The following ADGRG3 variants were observed in gnomAD, a reference collection of about 807,000 sequenced individuals.
ADGRG3 encodes the protein adhesion G protein-coupled receptor G3.
Under a neutral mutation model 54.3 loss-of-function variants are expected in ADGRG3, and 39 were observed. The observed-to-expected ratio is 0.72, with a 90% CI of 0.56 to 0.94. The LOEUF is 0.94. Among genes scored for constraint, ADGRG3 ranks in the 40% least tolerant of loss-of-function variants. ADGRG3 has a pLI of 0.00. For missense variants in ADGRG3, 654 were observed against 694.6 expected (o/e 0.94, Z 0.66); for synonymous variants, 312 against 290.0 (o/e 1.08, Z -0.77).
chr16:57,669,984 G>A (rs4784840), intron 1 of ADGRG3, among the ~76,000 whole-genome samples: 69,597 of 151,966 alleles, frequency 0.46, 16,420 homozygotes, highest in South Asian at 0.59. Context: ...AGGTCTAAAG[G>A]GGCCAGGAGG....
At chr16:57,672,058 T>C (rs2048171373) in intron 1 of ADGRG3, among the ~76,000 whole-genome samples, 1 of 152,074 alleles carries the variant, frequency 6.6e-6, no homozygotes, top group Non-Finnish European at 1.5e-5. Context: ...CATGTGCCTG[T>C]AGTCCCAGCT....
Position 57,689,241 on chromosome 16 carries a change from G to A in ADGRG3, c.*780G>A, listed in dbSNP as rs2048526116. On this transcript the variant is annotated 3_prime_UTR_variant, in exon 12 of 12. Coordinates refer to ENST00000333493, the MANE Select transcript of ADGRG3 (RefSeq NM_170776.5). ...CACTCATTCAGTGTGTGGGGCCCCT[G>A]AGCAGAGGCTGGGCATTGCCACTAG... is the stretch of plus-strand genomic sequence containing the variant. 6.5e-6 allele frequency: 1 copy of A among 154,668 alleles called. No individual in the cohort carries two copies. The highest frequency in any genetic ancestry group is 6.4e-5 in the Admixed American group (1 of 15,666). The allele number at this position is 154,668 out of a possible 1,614,324, so 9.6% of individuals were successfully genotyped here.
Position 57,673,341 on chromosome 16 carries a change from G to A in ADGRG3, c.79G>A (p.Gly27Arg). The change falls in exon 2 of 12, where the codon GGG (glycine) becomes AGG (arginine). Residue 27 changes from glycine (G) to arginine (R), a missense_variant. Physicochemically the swap from Gly to Arg is moderately radical, Grantham distance 125. Transcript: ENST00000333493. ...PTSGQEKPTE[G>R]PRNTCLGSNN... ...CTTAGGTCAGGAAAAGCCCACCGAAGGGCCAAGAAACACCTGCCTGGGGAG... is the reference window on the plus strand; with the variant it reads ...CTTAGGTCAGGAAAAGCCCACCGAAAGGCCAAGAAACACCTGCCTGGGGAG... 2 of 1,613,212 alleles carry A rather than the reference G, an allele frequency of 1.2e-6. No individual in the cohort carries two copies. The highest frequency in any genetic ancestry group is 1.7e-6 in the Non-Finnish European group (2 of 1,179,234).
intron 1 of ADGRG3, among the ~76,000 whole-genome samples, chr16:57,671,783 A>G (rs1350877000): frequency 6.6e-6 from 1 of 151,962 alleles, no homozygotes; most frequent in African/African-American, 2.4e-5. Flanking sequence ...CCAAGAGGGG[A>G]CCGGTTAAAA....
chr16:57,678,167 T>C lies in ADGRG3; in HGVS notation c.346-3T>C, dbSNP rs1405501099. 2 of 1,613,798 alleles carry C rather than the reference T, an allele frequency of 1.2e-6. No homozygotes were observed. The highest frequency in any genetic ancestry group is 1.7e-6 in the Non-Finnish European group (2 of 1,179,936). On this transcript the variant is annotated splice_region_variant and splice_polypyrimidine_tract_variant and intron_variant, in intron 3 of 11. Coordinates refer to ENST00000333493, the MANE Select transcript of ADGRG3 (RefSeq NM_170776.5). The stretch of plus-strand genomic sequence containing the variant: ...ATGGGAGCTGCTGTGTCTGTGGTTG[T>C]AGGTTCCGAGGCAGGTGATGAAGGA...
At chr16:57,678,818 C>A in intron 4 of ADGRG3, 1 of 346,664 alleles carries the variant, frequency 2.9e-6, no homozygotes, top group Non-Finnish European at 5.4e-6. Context: ...CTACCGAATG[C>A]ACACTCACGC....
Position 57,685,707 on chromosome 16 carries a change from A to G in ADGRG3, c.1321A>G (p.Ile441Val), listed in dbSNP as rs1327738613. The change falls in exon 11 of 12, where the codon ATC becomes GTC. Residue 441 changes from isoleucine (I) to valine (V), a missense_variant. By Grantham distance (29) the Ile-to-Val change is conservative. Transcript: ENST00000333493. ...LYITVHGYFL[I>V]TFLFGMVVLA... ...TATCACCGTCCACGGCTACTTCCTC[A>G]TCACCTTCCTCTTTGGCATGGTGGT... 1 of 1,613,996 alleles carries G rather than the reference A, an allele frequency of 6.2e-7. No homozygotes were observed. The highest frequency in any genetic ancestry group is 8.5e-7 in the Non-Finnish European group (1 of 1,179,950).
At position 57,678,508 on chromosome 16, in the gene ADGRG3, C is replaced by A. The variant is rs1244082494; in HGVS notation, c.492+192C>A. ...AGAGTCTATGGTCTTCAGACTCACACTGGTCACACGCTCTCAGATGTTTGA... is the reference window on the plus strand; with the variant it reads ...AGAGTCTATGGTCTTCAGACTCACAATGGTCACACGCTCTCAGATGTTTGA... On this transcript the variant is annotated intron_variant, in intron 4 of 11. Transcript: ENST00000333493. The A allele has an allele frequency of 8.3e-6, 5 of 599,436 alleles. No homozygotes were observed. The African/African-American group carries it at 9.3e-5, about 11-fold the overall frequency. 37.1% of individuals were successfully genotyped at this position (599,436 alleles called of 1,614,324 possible).
rs764450383 is a variant in ADGRG3 at position 57,684,453 on chromosome 16, G to A, written c.1226G>A (p.Arg409His). 1.9e-5 allele frequency: 31 copies of A among 1,613,880 alleles called. No individual in the cohort carries two copies. The highest frequency in any genetic ancestry group is 5.3e-5 in the African/African-American group (4 of 75,020). ...SANSYGLYTIRDRENRTSLEL... is the reference protein window; with the variant it reads ...SANSYGLYTIHDRENRTSLEL... ...AACAGCTACGGCCTCTACACCATCC[G>A]TGATAGGGAGAACCGCACCTCTCTG... Residue 409 changes from arginine to histidine, a missense_variant, in exon 10 of 12, where the codon CGT becomes CAT. Transcript: ENST00000333493.
chr16:57,688,446 C>T lies in ADGRG3; in HGVS notation c.1635C>T (p.Ser545=), dbSNP rs147994431. 2.2e-4 allele frequency: 360 copies of T among 1,603,812 alleles called. 1 individual carries two copies. Among genetic ancestry groups the T allele is most frequent in the Middle Eastern group, 1.3e-3 (8 of 6,046 alleles). ...CTGCAAGATTGGACCAGGCCCACTC[C>T]GCATCTCAAGAATAGGAAGGCACGG... The part of the protein sequence containing the change: ...SSTARLDQAH[S]ASQE The change falls in exon 12 of 12, where the codon TCC becomes TCT. Residue 545 remains serine (S), a synonymous_variant. Transcript: ENST00000333493.
At chr16:57,668,266 G>A (rs1422216391), upstream of ADGRG3, 10 of 1,149,924 alleles carry the variant, frequency 8.7e-6, no homozygotes, top group Non-Finnish European at 1.3e-5. Context: ...GCTGCAGGGT[G>A]GGGGCAGGCC....
At chr16:57,674,800 A>C (rs1490533656) in intron 2 of ADGRG3, among the ~76,000 whole-genome samples, 1 of 149,792 alleles carries the variant, frequency 6.7e-6, no homozygotes, top group Non-Finnish European at 1.5e-5. Flanking sequence ...CCTGGCCAAC[A>C]TGGTGAAACC....
intron 1 of ADGRG3, among the ~76,000 whole-genome samples, chr16:57,671,332 GTTTTTTTTTT>G (rs60592653): frequency 2.3e-5 from 2 of 86,340 alleles, no homozygotes; most frequent in African/African-American, 5.0e-5. Flanking sequence ...TAGAATAGGA[GTTTTTTTTTT>G]TTTTTTTTTT....
intron 1 of ADGRG3, among the ~76,000 whole-genome samples, chr16:57,669,655 G>C (rs537213817): frequency 6.6e-5 from 10 of 152,218 alleles, no homozygotes; most frequent in Non-Finnish European, 1.3e-4. Context: ...CACACTTCCT[G>C]TGTGGACAGT....
At chr16:57,683,728 C>T (rs1716685427) in intron 8 of ADGRG3, among the ~76,000 whole-genome samples, 1 of 152,180 alleles carries the variant, frequency 6.6e-6, no homozygotes, top group African/African-American at 2.4e-5. Context: ...CCCACAGGGC[C>T]CCGTGGGCCA....
rs536025318 is a variant in ADGRG3 at position 57,672,567 on chromosome 16, C to T, written c.59-754C>T. Among the ~76,000 whole-genome samples, 28 of 152,278 alleles carry T rather than the reference C, an allele frequency of 1.8e-4. 1 individual carries two copies. In the South Asian group the frequency reaches 5.6e-3, roughly 30 times the overall value. The stretch of plus-strand genomic sequence containing the variant: ...TGTATTATTAGCTCCATTTTGCTGG[C>T]AAAAGATTGAGCCTCAGGTTGTTTA... On this transcript the variant is annotated intron_variant, in intron 1 of 11. Transcript: ENST00000333493.
chr16:57,678,062 G>T, intron 3 of ADGRG3, 108 bp from the exon 4 acceptor site: 1 of 1,382,808 alleles, frequency 7.2e-7, no homozygotes, highest in Non-Finnish European at 1.0e-6. Flanking sequence ...ACAGTCCCCA[G>T]GTGCTGCCCC....
intron 1 of ADGRG3, among the ~76,000 whole-genome samples, chr16:57,670,829 T>A (rs1277860021): frequency 6.6e-6 from 1 of 150,900 alleles, no homozygotes; most frequent in African/African-American, 2.4e-5. Flanking sequence ...TTTGTCTTAA[T>A]GATTAAAAAT....
intron 2 of ADGRG3, 65 bp from the exon 3 acceptor site, chr16:57,676,135 A>G: frequency 2.7e-6 from 4 of 1,487,168 alleles, no homozygotes; most frequent in Non-Finnish European, 3.7e-6. Context: ...TCACCCCAGG[A>G]GCCTGATGAG....
Sources: gnomAD v4.1 joint callset for allele counts (sites outside exome capture counted in the v4.1 genomes callset) on GRCh38, gnomAD v4.1.1 for gene constraint, MANE v1.5 for transcripts, NCBI Gene and HGNC (gene_info 2026-07-23, HGNC 2026-07-21) for gene names.